Variants in WNT7A observed in about 807,000 individuals in gnomAD.
The protein encoded by WNT7A is Wnt family member 7A.
WNT7A carries 16 observed loss-of-function variants against 28.2 expected under a neutral mutation model. The ratio of observed to expected loss-of-function variants is 0.57; its 90% confidence interval spans 0.38 to 0.86. The LOEUF (loss-of-function observed/expected upper bound fraction) is 0.86. WNT7A is among the 40% of genes least tolerant of loss of function. WNT7A has a pLI of 0.00. For synonymous variants in WNT7A, 190 were observed against 195.9 expected (o/e 0.97, Z 0.25); for missense variants, 411 against 489.7 (o/e 0.84, Z 1.52).
At chr3:13,821,767 A>T (rs1283743372) in intron 3 of WNT7A, among the ~76,000 whole-genome samples, 2 of 152,224 alleles carry the variant, frequency 1.3e-5, no homozygotes, top group East Asian at 3.8e-4. Context: ...AGACAAGGTT[A>T]TTCCCAGGGC....
intron 3 of WNT7A, among the ~76,000 whole-genome samples, chr3:13,843,441 A>G (rs1694493495): frequency 6.6e-6 from 1 of 152,198 alleles, no homozygotes; most frequent in African/African-American, 2.4e-5. Context: ...AAGGGCACAC[A>G]GCAAACAAGT....
chr3:13,875,209 C>T (rs1695090295), intron 1 of WNT7A, 36 bp from the exon 2 acceptor site: 2 of 1,609,840 alleles, frequency 1.2e-6, no homozygotes, highest in East Asian at 2.2e-5. Context: ...GAGCATTAGG[C>T]CAGCAAGGGG....
intron 1 of WNT7A, among the ~76,000 whole-genome samples, chr3:13,877,377 T>TAA (rs1695126056): frequency 6.6e-6 from 1 of 152,226 alleles, no homozygotes; most frequent in African/African-American, 2.4e-5. Flanking sequence ...AACCCGAGTC[T>TAA]AACACACACT....
At chr3:13,852,793 G>A (rs1013029183) in intron 3 of WNT7A, among the ~76,000 whole-genome samples, 5 of 152,174 alleles carry the variant, frequency 3.3e-5, no homozygotes, top group Non-Finnish European at 5.9e-5. Context: ...GCACAAAGGG[G>A]CGGGACGGGT....
intron 2 of WNT7A, among the ~76,000 whole-genome samples, chr3:13,872,181 C>T (rs1351594502): frequency 1.3e-5 from 2 of 152,176 alleles, no homozygotes; most frequent in Non-Finnish European, 2.9e-5. Context: ...AATAAATCAA[C>T]AAGTATTATA....
intron 2 of WNT7A, among the ~76,000 whole-genome samples, chr3:13,866,972 T>C (rs938195708): frequency 4.6e-5 from 7 of 151,962 alleles, no homozygotes; most frequent in African/African-American, 7.3e-5. Context: ...TTGGGGGATA[T>C]AGTTTGGAGG....
chr3:13,848,727 C>T lies in WNT7A; in HGVS notation c.570+5805G>A, dbSNP rs116445488. 5.6e-3 allele frequency among the ~76,000 whole-genome samples: 854 copies of T among 152,274 alleles called. 4 individuals are homozygous for T. The highest frequency in any genetic ancestry group is 9.7e-3 in the Non-Finnish European group (663 of 68,020). ...AACATACAGCCATCAGACATTTGTG[C>T]TCTTGGACATTTATTCTAGGGAAAT... On this transcript the variant is annotated intron_variant, in intron 3 of 3. Transcript: ENST00000285018.
chr3:13,831,281 T>C (rs935041495), intron 3 of WNT7A, among the ~76,000 whole-genome samples: 5 of 152,156 alleles, frequency 3.3e-5, no homozygotes, highest in African/African-American at 1.2e-4. Context: ...CGGTGTCCAG[T>C]GCCTGACACG....
At chr3:13,856,678 C>T (rs1360295039) in intron 2 of WNT7A, among the ~76,000 whole-genome samples, 2 of 151,946 alleles carry the variant, frequency 1.3e-5, no homozygotes, top group African/African-American at 4.8e-5. Flanking sequence ...ATTAGCTGGG[C>T]ATGGTGACAC....
intron 2 of WNT7A, among the ~76,000 whole-genome samples, chr3:13,864,088 C>G (rs1694873912): frequency 6.6e-6 from 1 of 152,142 alleles, no homozygotes; most frequent in Non-Finnish European, 1.5e-5. Context: ...GGGTACCAAA[C>G]AGGAGGTCGT....
intron 2 of WNT7A, among the ~76,000 whole-genome samples, chr3:13,869,222 AG>A (rs371728661): frequency 9.3e-4 from 23 of 24,686 alleles, no homozygotes; most frequent in South Asian, 8.3e-3. Context: ...GAGAAAGAAA[AG>A]AGAGAGAGAG....
intron 3 of WNT7A, among the ~76,000 whole-genome samples, chr3:13,847,237 T>C (rs943020197): frequency 2.0e-5 from 3 of 152,194 alleles, no homozygotes; most frequent in Non-Finnish European, 4.4e-5. Context: ...CTCCTTTCTC[T>C]AGGCCCAGAC....
intron 2 of WNT7A, among the ~76,000 whole-genome samples, chr3:13,872,526 C>T (rs1695041456): frequency 1.3e-5 from 2 of 152,130 alleles, no homozygotes; most frequent in South Asian, 4.2e-4. Flanking sequence ...TATTTCCTTC[C>T]AGGCTCCTCC....
chr3:13,822,349 C>T (rs1274221989), intron 3 of WNT7A, among the ~76,000 whole-genome samples: 1 of 152,102 alleles, frequency 6.6e-6, no homozygotes, highest in East Asian at 1.9e-4. Flanking sequence ...AATGGATAAG[C>T]AAAATGAGGT....
At chr3:13,849,565 A>T (rs1453802613) in intron 3 of WNT7A, among the ~76,000 whole-genome samples, 1 of 152,146 alleles carries the variant, frequency 6.6e-6, no homozygotes, top group East Asian at 1.9e-4. Flanking sequence ...GGGTGAACTT[A>T]GGCCATCACT....
Position 13,874,940 on chromosome 3 carries a change from C to G in WNT7A, c.298+7G>C, listed in dbSNP as rs992455256. 3 of 1,613,752 alleles carry G rather than the reference C, an allele frequency of 1.9e-6. No homozygotes were observed. The highest frequency in any genetic ancestry group is 2.5e-6 in the Non-Finnish European group (3 of 1,179,968). ...GACTCTGCGGGGGTGTTTGGGTGAG[C>G]ACATACCCACTTTGAGCTCCTTCCC... On this transcript the variant is annotated splice_region_variant and intron_variant, in intron 2 of 3. Transcript: ENST00000285018.
chr3:13,822,798 G>T (rs1423216721), intron 3 of WNT7A, among the ~76,000 whole-genome samples: 1 of 152,190 alleles, frequency 6.6e-6, no homozygotes, highest in Non-Finnish European at 1.5e-5. Context: ...CAATACCAAG[G>T]CTTGCATGTA....
chr3:13,862,540 G>A (rs549404608), intron 2 of WNT7A, among the ~76,000 whole-genome samples: 29 of 152,246 alleles, frequency 1.9e-4, no homozygotes, highest in Non-Finnish European at 4.1e-4. Context: ...AAAAGGTTGC[G>A]CTTGCCAGCC....
intron 2 of WNT7A, among the ~76,000 whole-genome samples, chr3:13,863,442 ATG>A (rs1559305168): frequency 6.7e-6 from 1 of 149,890 alleles, no homozygotes; most frequent in South Asian, 2.1e-4. Flanking sequence ...GTATGTGTAT[ATG>A]TGTGTGTGTG....
Sources: allele counts gnomAD v4.1 joint callset (sites outside exome capture counted in the v4.1 genomes callset), GRCh38; gene constraint gnomAD v4.1.1; transcripts MANE v1.5; gene names NCBI Gene and HGNC (gene_info 2026-07-23, HGNC 2026-07-21).